Variants in SCCPDH observed in about 807,000 individuals in gnomAD.
The protein encoded by SCCPDH is saccharopine dehydrogenase-like oxidoreductase.
In SCCPDH, 34 loss-of-function variants were observed where a neutral mutation model predicts 51.5. The observed-to-expected ratio is 0.66, with a 90% CI of 0.50 to 0.88. The LOEUF (loss-of-function observed/expected upper bound fraction) is 0.88, where lower values mean the gene tolerates loss of function less well. SCCPDH is among the 40% of genes least tolerant of loss of function. SCCPDH has a pLI of 0.00. For synonymous variants in SCCPDH, 187 were observed against 191.3 expected (o/e 0.98, Z 0.19); for missense variants, 464 against 527.1 (o/e 0.88, Z 1.17).
intron 2 of SCCPDH, among the ~76,000 whole-genome samples, chr1:246,735,653 TC>T (rs1160692794): frequency 3.3e-5 from 5 of 152,172 alleles, no homozygotes; most frequent in Non-Finnish European, 5.9e-5. Flanking sequence ...TGCCTCAGCC[TC>T]CCGAGTAGCT....
Position 246,767,324 on chromosome 1 carries a change from CAT to C in SCCPDH, c.*26_*27del. 7.1e-7 allele frequency: 1 copy of C among 1,406,668 alleles called. No individual in the cohort carries two copies. The allele number at this position is 1,406,668 out of a possible 1,614,324, so 87.1% of individuals were successfully genotyped here. ...AAACACTGGAAGAATTAACTGAAGT[CAT>C]AACGTGCGTGAATTAACAGCTTCTC... is the stretch of plus-strand genomic sequence containing the variant. On this transcript the variant is annotated 3_prime_UTR_variant, in exon 12 of 12. Transcript: ENST00000366510.
At chr1:246,729,963 C>T (rs1668468121) in intron 2 of SCCPDH, among the ~76,000 whole-genome samples, 1 of 152,146 alleles carries the variant, frequency 6.6e-6, no homozygotes, top group Non-Finnish European at 1.5e-5. Context: ...TACAATTACA[C>T]ATTATCTTGT....
intron 2 of SCCPDH, among the ~76,000 whole-genome samples, chr1:246,730,274 G>A (rs747764809): frequency 2.6e-5 from 4 of 152,076 alleles, no homozygotes; most frequent in Admixed American, 6.5e-5. Context: ...TGCAGCATTC[G>A]ATCCAGCTGA....
chr1:246,746,763 C>G (rs1337906797), intron 5 of SCCPDH, among the ~76,000 whole-genome samples: 1 of 152,208 alleles, frequency 6.6e-6, no homozygotes, highest in Non-Finnish European at 1.5e-5. Flanking sequence ...ATTGCTTGAA[C>G]TTGGGAGGCA....
intron 10 of SCCPDH, among the ~76,000 whole-genome samples, chr1:246,764,779 A>G (rs1263898473): frequency 6.6e-6 from 1 of 152,264 alleles, no homozygotes; most frequent in Non-Finnish European, 1.5e-5. Flanking sequence ...AGGGAAGGGA[A>G]TGGCTTCTGA....
intron 9 of SCCPDH, among the ~76,000 whole-genome samples, chr1:246,761,023 C>T (rs767341928): frequency 6.6e-5 from 10 of 152,140 alleles, no homozygotes; most frequent in Admixed American, 1.3e-4. Context: ...ACTCTCAGAC[C>T]TATCATCATT....
intron 5 of SCCPDH, among the ~76,000 whole-genome samples, chr1:246,748,593 T>C (rs1160413276): frequency 6.6e-6 from 1 of 152,226 alleles, no homozygotes; most frequent in African/African-American, 2.4e-5. Context: ...CTGCTGATTA[T>C]AATAGATGTA....
intron 2 of SCCPDH, among the ~76,000 whole-genome samples, chr1:246,728,565 C>T (rs1161632463): frequency 6.6e-6 from 1 of 152,246 alleles, no homozygotes; most frequent in Non-Finnish European, 1.5e-5. Context: ...TCCGGCAGCT[C>T]TGCTCTATTT....
intron 5 of SCCPDH, among the ~76,000 whole-genome samples, chr1:246,745,372 A>T (rs565386770): frequency 8.5e-5 from 13 of 152,254 alleles, no homozygotes; most frequent in Non-Finnish European, 1.6e-4. Flanking sequence ...GCATATAGTA[A>T]CTGTGCAAGA....
chr1:246,741,858 G>A (rs1668683815), intron 4 of SCCPDH, among the ~76,000 whole-genome samples: 1 of 152,138 alleles, frequency 6.6e-6, no homozygotes, highest in African/African-American at 2.4e-5. Context: ...CCTGAGGTCA[G>A]GAGTTTGAGA....
At chr1:246,749,608 T>C (rs1468608037) in intron 5 of SCCPDH, among the ~76,000 whole-genome samples, 1 of 152,126 alleles carries the variant, frequency 6.6e-6, no homozygotes, top group Non-Finnish European at 1.5e-5. Context: ...GGAAACTCCT[T>C]TAGTAAAATG....
chr1:246,759,691 A>T (rs1407526167), intron 7 of SCCPDH, among the ~76,000 whole-genome samples: 1 of 152,226 alleles, frequency 6.6e-6, no homozygotes, highest in African/African-American at 2.4e-5. Context: ...GTGCCCAAGT[A>T]GGGGAAGCTA....
At chr1:246,741,097 A>G (rs1413064799) in intron 4 of SCCPDH, among the ~76,000 whole-genome samples, 1 of 151,940 alleles carries the variant, frequency 6.6e-6, no homozygotes, top group Non-Finnish European at 1.5e-5. Flanking sequence ...GAAAAAAGCA[A>G]AAAAACAAAA....
rs751109708 is a variant in SCCPDH, at chr1:246,759,104, G to T, written c.766G>T (p.Val256Leu). Reference sequence around the variant, plus strand: ...TTTTATGGGATCTGATGTGTCTGTTGTAAGGAGGACTCAACGTTACTTGTA... The same window carrying T: ...TTTTATGGGATCTGATGTGTCTGTTTTAAGGAGGACTCAACGTTACTTGTA... ...IPFMGSDVSV[V>L]RRTQRYLYEN... is the part of the protein sequence containing the mutation. The change falls in exon 7 of 12, where the codon GTA becomes TTA. Residue 256 changes from valine to leucine, a missense_variant. By Grantham distance (32) the Val-to-Leu change is conservative. Transcript: ENST00000366510. 20 of 1,610,326 alleles carry T rather than the reference G, an allele frequency of 1.2e-5. No individual in the cohort carries two copies. The highest frequency in any genetic ancestry group is 1.6e-5 in the Non-Finnish European group (19 of 1,176,536).
chr1:246,751,040 G>T (rs1017451497), intron 5 of SCCPDH, among the ~76,000 whole-genome samples: 1 of 152,100 alleles, frequency 6.6e-6, no homozygotes, highest in African/African-American at 2.4e-5. Flanking sequence ...GCTCATAAGG[G>T]GTTTGGATAA....
In SCCPDH at chr1:246,767,543, G is replaced by A. The variant is rs144671156; in HGVS notation, c.*243G>A. The A allele has an allele frequency of 1.5e-3, 366 of 240,122 alleles. 1 individual carries two copies. Among genetic ancestry groups the A allele is most frequent in the Admixed American group, 3.3e-3 (60 of 17,998 alleles). The allele number at this position is 240,122 out of a possible 1,614,324, so 14.9% of individuals were successfully genotyped here. Reference sequence around the variant, plus strand: ...TTTGACATATTTTTTTCATTGATGTGTTCCTGGTAGATTTTCACGAATGAG... The same window carrying A: ...TTTGACATATTTTTTTCATTGATGTATTCCTGGTAGATTTTCACGAATGAG... On this transcript the variant is annotated 3_prime_UTR_variant, in exon 12 of 12. Transcript: ENST00000366510.
chr1:246,724,484 A>ATGGCC lies in SCCPDH; in HGVS notation c.62_63insTGGCC (p.Gln21HisfsTer5). On this transcript the variant is annotated frameshift_variant, in exon 1 of 12. Coordinates refer to ENST00000366510, the MANE Select transcript of SCCPDH (RefSeq NM_016002.3). LOFTEE classifies it high-confidence loss of function. ...TTCGGCGCGTCTGGCTTCACCGGCC[A>ATGGCC]GTTCGTGACCGAGGAGGTGGCCCGG... 1 of 1,587,264 alleles carries ATGGCC rather than the reference A, an allele frequency of 6.3e-7. No homozygotes were observed. The highest frequency in any genetic ancestry group is 8.5e-7 in the Non-Finnish European group (1 of 1,169,698).
chr1:246,749,554 G>A (rs1418539434), intron 5 of SCCPDH, among the ~76,000 whole-genome samples: 2 of 152,162 alleles, frequency 1.3e-5, no homozygotes. Context: ...AGCAGCAGTC[G>A]TCATCTGTGC....
intron 5 of SCCPDH, among the ~76,000 whole-genome samples, chr1:246,744,533 C>G (rs557665454): frequency 2.0e-4 from 31 of 152,150 alleles, no homozygotes; most frequent in Non-Finnish European, 4.0e-4. Context: ...GTTGGTCAGG[C>G]TGGTCTCGAA....
Sources: gnomAD v4.1 joint callset for allele counts (sites outside exome capture counted in the v4.1 genomes callset) on GRCh38, gnomAD v4.1.1 for gene constraint, MANE v1.5 for transcripts, NCBI Gene and HGNC (gene_info 2026-07-23, HGNC 2026-07-21) for gene names.